The following BLTP2 variants were observed in gnomAD, a reference collection of about 807,000 sequenced individuals.
The protein encoded by BLTP2 is U937-associated antigen.
chr17:28,628,272 T>C, the BLTP2 span: 11 of 1,613,836 alleles, frequency 6.8e-6, no homozygotes, highest in Non-Finnish European at 8.5e-6. Context: ...TACCTCCTGA[T>C]GACCCCTTAT....
the BLTP2 span, chr17:28,639,355 G>C: frequency 1.2e-6 from 2 of 1,614,128 alleles, no homozygotes; most frequent in Non-Finnish European, 1.7e-6. Flanking sequence ...CTAGACCCTT[G>C]GGTTTCCAGT....
chr17:28,619,868 T>C, the BLTP2 span: 54 of 1,613,874 alleles, frequency 3.3e-5, no homozygotes, highest in Non-Finnish European at 4.4e-5. Flanking sequence ...ACCTTCATGA[T>C]AGAATACATC....
At chr17:28,642,531 G>A in the BLTP2 span, 6 of 587,968 alleles carry the variant, frequency 1.0e-5, no homozygotes, top group South Asian at 2.0e-5. Flanking sequence ...GCCGCCTGTA[G>A]TCCCAGCTAC....
chr17:28,622,311 C>T, the BLTP2 span, among the ~76,000 whole-genome samples: 1 of 152,194 alleles, frequency 6.6e-6, no homozygotes, highest in African/African-American at 2.4e-5. Flanking sequence ...TACCAACAAC[C>T]GGTCCCTTAC....
At chr17:28,622,660 G>A in the BLTP2 span, among the ~76,000 whole-genome samples, 1 of 152,180 alleles carries the variant, frequency 6.6e-6, no homozygotes, top group Non-Finnish European at 1.5e-5. Context: ...AGAAGTTACA[G>A]GGTAAAATAT....
the BLTP2 span, chr17:28,634,424 C>G: frequency 8.6e-6 from 8 of 928,988 alleles, no homozygotes; most frequent in East Asian, 3.6e-5. Flanking sequence ...CGGCACAGTT[C>G]CCAATATAAC....
chr17:28,635,613 T>G, the BLTP2 span: 1 of 1,602,736 alleles, frequency 6.2e-7, no homozygotes, highest in South Asian at 1.1e-5. Context: ...ACTGAACCTT[T>G]AGGGAGCAGA....
At chr17:28,644,290 T>A in the BLTP2 span, 3 of 1,262,122 alleles carry the variant, frequency 2.4e-6, no homozygotes, top group African/African-American at 4.5e-5. Flanking sequence ...TTCCTGAAAC[T>A]GGATCTGAGC....
the BLTP2 span, among the ~76,000 whole-genome samples, chr17:28,622,606 CA>C: frequency 6.6e-5 from 10 of 152,180 alleles, no homozygotes; most frequent in Non-Finnish European, 1.2e-4. Flanking sequence ...AGGCATATCT[CA>C]TAATCAATAG....
At chr17:28,643,773 C>A in the BLTP2 span, 1 of 1,050,976 alleles carries the variant, frequency 9.5e-7, no homozygotes. Flanking sequence ...AGCCATGTTG[C>A]CTTGAATCCC....
the BLTP2 span, among the ~76,000 whole-genome samples, chr17:28,628,998 G>A: frequency 2.0e-5 from 3 of 151,648 alleles, no homozygotes; most frequent in Admixed American, 2.0e-4. Flanking sequence ...AAACTAAGTG[G>A]TCTTGGCTTT....
the BLTP2 span, chr17:28,639,943 T>A: frequency 6.2e-7 from 1 of 1,614,082 alleles, no homozygotes. Flanking sequence ...ATATCAGAGT[T>A]TGCTGTGAAG....
At chr17:28,636,528 TAA>T in the BLTP2 span, among the ~76,000 whole-genome samples, 1 of 152,222 alleles carries the variant, frequency 6.6e-6, no homozygotes, top group Non-Finnish European at 1.5e-5. Flanking sequence ...TACTTCAAAA[TAA>T]TCCCAGAGCC....
the BLTP2 span, chr17:28,639,387 G>A: frequency 5.6e-6 from 9 of 1,613,906 alleles, no homozygotes; most frequent in Non-Finnish European, 6.8e-6. Flanking sequence ...CAGCCAGTGA[G>A]AGAATTCCTG....
chr17:28,632,235 T>C, the BLTP2 span: 1 of 1,595,626 alleles, frequency 6.3e-7, no homozygotes, highest in Non-Finnish European at 8.6e-7. Flanking sequence ...GGGGCTGGGA[T>C]ATTGCTGCAA....
the BLTP2 span, chr17:28,643,937 T>A: frequency 7.8e-7 from 1 of 1,286,604 alleles, no homozygotes; most frequent in East Asian, 2.3e-5. Flanking sequence ...GGCAAAGAAA[T>A]GGCAAGGCTG....
chr17:28,625,508 C>T, the BLTP2 span, among the ~76,000 whole-genome samples: 1 of 151,996 alleles, frequency 6.6e-6, no homozygotes, highest in Non-Finnish European at 1.5e-5. Flanking sequence ...ATATTGATAC[C>T]TTACTAGTGA....
chr17:28,644,989 C>A, the BLTP2 span: 13 of 1,579,376 alleles, frequency 8.2e-6, no homozygotes, highest in Non-Finnish European at 1.1e-5. Flanking sequence ...GAACCCTCAC[C>A]GGCCTAGAAA....
chr17:28,631,721 C>G, the BLTP2 span: 2 of 1,609,662 alleles, frequency 1.2e-6, no homozygotes, highest in Non-Finnish European at 1.7e-6. Flanking sequence ...CTGACCAGTT[C>G]AGAGGATAGT....
Sources: allele counts gnomAD v4.1 joint callset (sites outside exome capture counted in the v4.1 genomes callset), GRCh38; gene constraint gnomAD v4.1.1; transcripts MANE v1.5; gene names NCBI Gene and HGNC (gene_info 2026-07-23, HGNC 2026-07-21).